The following ZFYVE1 variants were observed in gnomAD, a reference collection of about 807,000 sequenced individuals.
The protein encoded by ZFYVE1 is zinc finger FYVE-type containing 1.
Under a neutral mutation model 74.4 loss-of-function variants are expected in ZFYVE1, and 30 were observed. The ratio of observed to expected loss-of-function variants is 0.40; its 90% CI spans 0.30 to 0.55. The LOEUF is 0.55. Ranked by LOEUF, ZFYVE1 falls within the 20% of genes least tolerant of loss-of-function variation. ZFYVE1 has a pLI of 0.42. For missense variants in ZFYVE1, 703 were observed against 1,011.6 expected (o/e 0.69, Z 4.14); for synonymous variants, 335 against 385.1 (o/e 0.87, Z 1.52).
At chr14:73,002,081 T>G (rs571734051) in intron 2 of ZFYVE1, among the ~76,000 whole-genome samples, 4 of 152,318 alleles carry the variant, frequency 2.6e-5, no homozygotes, top group Non-Finnish European at 5.9e-5. Flanking sequence ...TTGACACTAC[T>G]GGGGTAACAA....
intron 11 of ZFYVE1, 100 bp from the exon 12 acceptor site, chr14:72,971,214 C>G (rs926096346): frequency 8.3e-7 from 1 of 1,199,130 alleles, no homozygotes; most frequent in African/African-American, 1.5e-5. Flanking sequence ...ATAATCCCAA[C>G]TGCACACAGA....
chr14:72,987,078 C>A (rs1015550912), intron 4 of ZFYVE1: 2 of 465,974 alleles, frequency 4.3e-6, no homozygotes, highest in Non-Finnish European at 5.6e-6. Flanking sequence ...GTGGCTCTTT[C>A]TATTGTATCT....
chr14:72,988,499 T>C (rs1893535491), intron 4 of ZFYVE1, among the ~76,000 whole-genome samples: 1 of 151,332 alleles, frequency 6.6e-6, no homozygotes, highest in Admixed American at 6.6e-5. Flanking sequence ...TTAAATATAC[T>C]AATGGCATTT....
intron 2 of ZFYVE1, among the ~76,000 whole-genome samples, chr14:73,015,406 GGGGGGAAGGAA>G (rs1732601245): frequency 1.9e-5 from 1 of 51,850 alleles, no homozygotes; most frequent in Admixed American, 1.7e-4. Context: ...GGAAGGAAGG[GGGGGGAAGGAA>G]GGGGAAGGAA....
intron 2 of ZFYVE1, among the ~76,000 whole-genome samples, chr14:73,023,197 A>ATGTTTTATATGTAATATATATAT (rs1894357418): frequency 7.3e-6 from 1 of 137,624 alleles, no homozygotes; most frequent in African/African-American, 2.7e-5. Flanking sequence ...TATATATTTT[A>ATGTTTTATATGTAATATATATAT]TATATGTTTT....
At chr14:72,995,530 C>G (rs1893724055) in intron 3 of ZFYVE1, among the ~76,000 whole-genome samples, 1 of 152,098 alleles carries the variant, frequency 6.6e-6, no homozygotes, top group Non-Finnish European at 1.5e-5. Context: ...TCGTGCTCAG[C>G]CTAAAATACA....
chr14:72,970,874 G>C lies in ZFYVE1; in HGVS notation c.*8C>G, dbSNP rs1567342066. 6.2e-7 allele frequency: 1 copy of C among 1,613,640 alleles called. No homozygotes were observed. Among genetic ancestry groups the C allele is most frequent in the East Asian group, 2.2e-5 (1 of 44,866 alleles). On this transcript the variant is annotated 3_prime_UTR_variant, in exon 12 of 12. Coordinates refer to ENST00000556143, the MANE Select transcript of ZFYVE1 (RefSeq NM_021260.4). ...GGAATTGTGAAGGACTCGGAGAGGG[G>C]GCTGGGGTTAAAGGTCACCGGGCTT...
chr14:72,996,442 G>A lies in ZFYVE1; in HGVS notation c.988+1369C>T, dbSNP rs984243171. ...ACAGGGTCTCACTATTGCCCAGGCT[G>A]GAGTGCAATAACACGATCACAGCTC... is the stretch of plus-strand genomic sequence containing the variant. On this transcript the variant is annotated intron_variant, in intron 3 of 11. Transcript: ENST00000556143. Among the ~76,000 whole-genome samples the A allele has an allele frequency of 2.0e-5, 3 of 152,076 alleles. No individual in the cohort carries two copies. In the East Asian group the frequency reaches 5.8e-4, roughly 29 times the overall value.
At position 72,978,933 on chromosome 14, in the gene ZFYVE1, T is replaced by C; in HGVS notation, c.1347A>G (p.Glu449=). The C allele has an allele frequency of 6.2e-7, 1 of 1,614,018 alleles. No homozygotes were observed. Among genetic ancestry groups the C allele is most frequent in the Non-Finnish European group, 8.5e-7 (1 of 1,179,908 alleles). ...GGCTCTTGGCTTCATGAGGCACTCC[T>C]TCCTTCCCATGATTCATGCTTTTCT... ...GCKKSMNHGK[E]GVPHEAKSRC... The change falls in exon 6 of 12, where the codon GAA becomes GAG. Residue 449 remains glutamate (E), a synonymous_variant. Transcript: ENST00000556143.
chr14:72,977,807 A>G (rs1836251927), intron 8 of ZFYVE1, 120 bp downstream of exon 8: 2 of 1,105,716 alleles, frequency 1.8e-6, no homozygotes, highest in African/African-American at 3.2e-5. Context: ...GCCTTTCTAA[A>G]CCGCCAACAT....
In ZFYVE1 at chr14:72,970,208, C is replaced by T. The variant is rs761072476; in HGVS notation, c.*674G>A. ...CATTTCTACTTCTCAGGGCCGAAGA[C>T]CCGACCTCTGACCCTCCACCCACTC... On this transcript the variant is annotated 3_prime_UTR_variant, in exon 12 of 12. Coordinates refer to ENST00000556143, the MANE Select transcript of ZFYVE1 (RefSeq NM_021260.4). The T allele has an allele frequency of 1.7e-4, 29 of 169,532 alleles. No individual in the cohort carries two copies. The highest frequency in any genetic ancestry group is 1.7e-4 in the East Asian group (1 of 5,918). 10.5% of individuals were successfully genotyped at this position (169,532 alleles called of 1,614,324 possible).
intron 3 of ZFYVE1, 143 bp from the exon 4 acceptor site, chr14:72,993,500 C>G: frequency 7.8e-6 from 5 of 644,140 alleles, no homozygotes; most frequent in Non-Finnish European, 1.3e-5. Context: ...GTCAGGAGTT[C>G]AGCCTGGCCA....
At chr14:72,989,113 A>C (rs1239499333) in intron 4 of ZFYVE1, among the ~76,000 whole-genome samples, 1 of 151,964 alleles carries the variant, frequency 6.6e-6, no homozygotes, top group African/African-American at 2.4e-5. Context: ...TTTTTAATAG[A>C]GATGGGGTTT....
intron 11 of ZFYVE1, among the ~76,000 whole-genome samples, chr14:72,971,677 A>G (rs1477230923): frequency 6.6e-6 from 1 of 152,100 alleles, no homozygotes; most frequent in African/African-American, 2.4e-5. Flanking sequence ...TCTGTTGCCC[A>G]GGCTGGTCTC....
At chr14:73,009,156 G>A (rs1894038412) in intron 2 of ZFYVE1, among the ~76,000 whole-genome samples, 1 of 152,188 alleles carries the variant, frequency 6.6e-6, no homozygotes, top group South Asian at 2.1e-4. Flanking sequence ...CTGGGGGAGG[G>A]AATGGTATAG....
chr14:73,025,802 T>TA, intron 1 of ZFYVE1, among the ~76,000 whole-genome samples: 1 of 152,070 alleles, frequency 6.6e-6, no homozygotes, highest in East Asian at 1.9e-4. Context: ...GCTGCTCTAT[T>TA]TCCCAGACTG....
At chr14:73,015,968 GA>G (rs145054620) in intron 2 of ZFYVE1, among the ~76,000 whole-genome samples, 10,577 of 152,062 alleles carry the variant, frequency 0.07, 526 homozygotes, top group South Asian at 0.18. Context: ...CAAGAACGAA[GA>G]AAAACAAATG....
At chr14:73,025,259 G>C (rs1295847594) in intron 1 of ZFYVE1, among the ~76,000 whole-genome samples, 2 of 151,678 alleles carry the variant, frequency 1.3e-5, no homozygotes, top group African/African-American at 4.8e-5. Flanking sequence ...AGTAGAGACG[G>C]GGTTTCACCA....
intron 2 of ZFYVE1, among the ~76,000 whole-genome samples, chr14:73,001,059 T>C (rs1384779359): frequency 3.3e-5 from 5 of 152,256 alleles, no homozygotes; most frequent in Non-Finnish European, 7.3e-5. Context: ...TCAGTCTTCC[T>C]AAACCTTTGC....
Sources: gnomAD v4.1 joint callset for allele counts (sites outside exome capture counted in the v4.1 genomes callset) on GRCh38, gnomAD v4.1.1 for gene constraint, MANE v1.5 for transcripts, NCBI Gene and HGNC (gene_info 2026-07-23, HGNC 2026-07-21) for gene names.